The following PCSK2 variants were observed in gnomAD, a reference collection of about 807,000 sequenced individuals.
PCSK2 encodes the protein proprotein convertase subtilisin/kexin type 2, also known as neuroendocrine convertase 2.
Under a neutral mutation model 69.7 loss-of-function variants are expected in PCSK2, and 14 were observed. The ratio of observed to expected loss-of-function variants is 0.20; its 90% CI spans 0.13 to 0.31. The LOEUF (loss-of-function observed/expected upper bound fraction) is 0.31, where lower values mean the gene tolerates loss of function less well. Ranked by LOEUF, PCSK2 falls within the 10% of genes least tolerant of loss-of-function variation. The probability of loss-of-function intolerance (pLI) is 1.00; values close to 1 mark genes in which losing one functional copy is unlikely to be tolerated. For synonymous variants in PCSK2, 307 were observed against 320.7 expected, an observed-to-expected ratio of 0.96 and a Z score of 0.46; for missense variants, 544 against 842.5, an observed-to-expected ratio of 0.65 and a Z score of 4.39.
At chr20:17,330,848 C>A (rs563754848) in intron 2 of PCSK2, among the ~76,000 whole-genome samples, 1 of 152,124 alleles carries the variant, frequency 6.6e-6, no homozygotes, top group African/African-American at 2.4e-5. Context: ...TACTGCGGGT[C>A]CAGAGAGCAC....
At chr20:17,377,236 T>C (rs1056562558) in intron 5 of PCSK2, among the ~76,000 whole-genome samples, 1 of 152,232 alleles carries the variant, frequency 6.6e-6, no homozygotes, top group African/African-American at 2.4e-5. Context: ...CGTTCAAAAT[T>C]TGGAACATTA....
intron 1 of PCSK2, among the ~76,000 whole-genome samples, chr20:17,228,490 C>T (rs1986016534): frequency 6.6e-6 from 1 of 151,896 alleles, no homozygotes; most frequent in South Asian, 2.1e-4. Context: ...AGTGTGGGTG[C>T]AGAGAGAAGG....
At chr20:17,249,839 G>C (rs541328340) in intron 1 of PCSK2, among the ~76,000 whole-genome samples, 18 of 152,166 alleles carry the variant, frequency 1.2e-4, no homozygotes, top group Non-Finnish European at 1.6e-4. Context: ...CCAGGGCTGG[G>C]GGGGGAATGG....
chr20:17,402,264 C>T (rs2031654850), intron 5 of PCSK2, among the ~76,000 whole-genome samples: 1 of 152,164 alleles, frequency 6.6e-6, no homozygotes, highest in Non-Finnish European at 1.5e-5. Context: ...ACCCTATTAG[C>T]CATTAAGAAT....
At chr20:17,353,672 A>G (rs2030089312) in intron 2 of PCSK2, among the ~76,000 whole-genome samples, 1 of 152,184 alleles carries the variant, frequency 6.6e-6, no homozygotes, top group Admixed American at 6.5e-5. Flanking sequence ...AAATCATTCT[A>G]CCAAAAAGAC....
chr20:17,249,842 G>T lies in PCSK2; in HGVS notation c.178-10398G>T, dbSNP rs140868166. The stretch of plus-strand genomic sequence containing the variant: ...GAAAGGTGGATTCCAGGGCTGGGGG[G>T]GGAATGGAGAGTTACTGTGCAGTAG... On this transcript the variant is annotated intron_variant, in intron 1 of 11. Transcript: ENST00000262545. Among the ~76,000 whole-genome samples, 16 of 152,118 alleles carry T rather than the reference G, an allele frequency of 1.1e-4. No individual in the cohort carries two copies. In the East Asian group the frequency reaches 2.3e-3, roughly 22 times the overall value.
intron 2 of PCSK2, among the ~76,000 whole-genome samples, chr20:17,276,140 T>C (rs1017595739): frequency 1.3e-5 from 2 of 152,182 alleles, no homozygotes; most frequent in African/African-American, 4.8e-5. Flanking sequence ...ACTGCTGTCC[T>C]TTAGTAATTC....
chr20:17,417,024 G>C (rs370856679), intron 6 of PCSK2, among the ~76,000 whole-genome samples: 2 of 152,262 alleles, frequency 1.3e-5, no homozygotes, highest in African/African-American at 4.8e-5. Flanking sequence ...GCCTGTCAGG[G>C]GGTGTGGCAG....
intron 5 of PCSK2, among the ~76,000 whole-genome samples, chr20:17,374,015 C>G (rs938632612): frequency 3.9e-5 from 6 of 152,196 alleles, no homozygotes; most frequent in African/African-American, 1.4e-4. Flanking sequence ...TCCCAATAGT[C>G]ATGACACGAA....
chr20:17,268,033 G>GTATATATATATATATA (rs753655282), intron 2 of PCSK2, among the ~76,000 whole-genome samples: 1,586 of 64,662 alleles, frequency 0.025, 53 homozygotes, highest in Non-Finnish European at 0.032. Context: ...TATCCAATGT[G>GTATATATATATATATA]TATATATATA....
chr20:17,276,138 C>G (rs374225928), intron 2 of PCSK2, among the ~76,000 whole-genome samples: 73 of 151,990 alleles, frequency 4.8e-4, no homozygotes, highest in Admixed American at 4.8e-3. Context: ...TCACTGCTGT[C>G]CTTTAGTAAT....
chr20:17,447,105 AT>A (rs2032713899), intron 8 of PCSK2, among the ~76,000 whole-genome samples: 2 of 151,272 alleles, frequency 1.3e-5, no homozygotes, highest in Non-Finnish European at 2.9e-5. Flanking sequence ...AAAAAAATAA[AT>A]AAAGAAAAAT....
At chr20:17,296,565 T>G (rs1988901178) in intron 2 of PCSK2, among the ~76,000 whole-genome samples, 1 of 152,208 alleles carries the variant, frequency 6.6e-6, no homozygotes, top group African/African-American at 2.4e-5. Context: ...GTTTTCCAGC[T>G]CTGTTGCATA....
chr20:17,467,237 A>G (rs1255325933), intron 11 of PCSK2, among the ~76,000 whole-genome samples: 1 of 152,050 alleles, frequency 6.6e-6, no homozygotes, highest in African/African-American at 2.4e-5. Context: ...GCAATTCTCA[A>G]CCTTTGTGCC....
intron 8 of PCSK2, among the ~76,000 whole-genome samples, chr20:17,437,558 C>A (rs16999197): frequency 6.6e-6 from 1 of 152,178 alleles, no homozygotes; most frequent in African/African-American, 2.4e-5. Flanking sequence ...GGGCTCCAGT[C>A]TATCAGGAAG....
intron 7 of PCSK2, among the ~76,000 whole-genome samples, chr20:17,432,904 G>T (rs1256661007): frequency 2.6e-5 from 4 of 152,152 alleles, no homozygotes; most frequent in African/African-American, 9.7e-5. Flanking sequence ...GAAAAAGACA[G>T]GGAGCAAATA....
At chr20:17,405,756 A>T (rs181809297) in intron 5 of PCSK2, among the ~76,000 whole-genome samples, 17 of 152,300 alleles carry the variant, frequency 1.1e-4, no homozygotes, top group African/African-American at 4.1e-4. Flanking sequence ...AAGCCTTAGA[A>T]TTATTATATA....
intron 11 of PCSK2, among the ~76,000 whole-genome samples, chr20:17,474,479 G>T (rs1216520992): frequency 6.6e-6 from 1 of 152,096 alleles, no homozygotes; most frequent in East Asian, 1.9e-4. Context: ...TCTCTCCCTT[G>T]CACCCTCTAT....
At chr20:17,373,995 T>C (rs2030850959) in intron 5 of PCSK2, among the ~76,000 whole-genome samples, 1 of 152,222 alleles carries the variant, frequency 6.6e-6, no homozygotes, top group Non-Finnish European at 1.5e-5. Context: ...TTAAAATTTT[T>C]CTTTTTCTAT....
Sources: gnomAD v4.1 joint callset for allele counts (sites outside exome capture counted in the v4.1 genomes callset) on GRCh38, gnomAD v4.1.1 for gene constraint, MANE v1.5 for transcripts, NCBI Gene and HGNC (gene_info 2026-07-23, HGNC 2026-07-21) for gene names.